Variants in FANCL observed in about 807,000 individuals in gnomAD.
FANCL encodes the protein FA complementation group L, also known as E3 ubiquitin-protein ligase FANCL.
In FANCL, 69 loss-of-function variants were observed where a neutral mutation model predicts 59.4. That is an observed-to-expected ratio of 1.16 (90% CI 0.96 to 1.42). FANCL has a LOEUF of 1.42. Among genes scored for constraint, FANCL ranks in the 40% most tolerant of loss-of-function variants. The probability of loss-of-function intolerance (pLI) is 0.00; values close to 1 mark genes in which losing one functional copy is unlikely to be tolerated. For synonymous variants in FANCL, 180 were observed against 147.1 expected (o/e 1.22, Z -1.62); for missense variants, 519 against 447.2 (o/e 1.16, Z -1.45).
chr2:58,241,323 T>C lies in FANCL; in HGVS notation c.-10A>G, dbSNP rs758577664. On this transcript the variant is annotated 5_prime_UTR_variant, in exon 1 of 14. Coordinates refer to ENST00000233741, the MANE Select transcript of FANCL (RefSeq NM_018062.4). The stretch of plus-strand genomic sequence containing the variant: ...CTTCCGTCACCGCCATGGCTCGAAG[T>C]CCGGAGAAACACAGAAAAGCTCTAG... The C allele has an allele frequency of 6.2e-7, 1 of 1,613,670 alleles. No homozygotes were observed. The highest frequency in any genetic ancestry group is 1.1e-5 in the South Asian group (1 of 91,052).
At chr2:58,208,009 T>C (rs1340106365) in intron 5 of FANCL, among the ~76,000 whole-genome samples, 1 of 152,204 alleles carries the variant, frequency 6.6e-6, no homozygotes, top group Non-Finnish European at 1.5e-5. Flanking sequence ...CAGTGAGCTA[T>C]GATGGCACCA....
intron 5 of FANCL, among the ~76,000 whole-genome samples, chr2:58,206,755 T>TA (rs1240825267): frequency 1.3e-5 from 2 of 152,212 alleles, no homozygotes; most frequent in African/African-American, 2.4e-5. Flanking sequence ...TTGATTTTGT[T>TA]AAACTTTAAG....
chr2:58,201,544 G>T (rs1468792858), intron 6 of FANCL, among the ~76,000 whole-genome samples: 1 of 151,932 alleles, frequency 6.6e-6, no homozygotes, highest in Non-Finnish European at 1.5e-5. Flanking sequence ...TTGCAGCAGA[G>T]AAAGAGTGCC....
intron 6 of FANCL, among the ~76,000 whole-genome samples, chr2:58,202,769 A>C (rs1371414725): frequency 6.6e-6 from 1 of 151,900 alleles, no homozygotes; most frequent in African/African-American, 2.4e-5. Flanking sequence ...AATGAACTAA[A>C]TGTCATCAAC....
intron 7 of FANCL, among the ~76,000 whole-genome samples, chr2:58,172,868 C>T (rs575123869): frequency 4.6e-5 from 7 of 152,112 alleles, no homozygotes; most frequent in South Asian, 4.1e-4. Context: ...AAACCAAAGG[C>T]GAAGAAGCTG....
At chr2:58,194,741 A>T (rs1689266899) in intron 7 of FANCL, among the ~76,000 whole-genome samples, 1 of 151,930 alleles carries the variant, frequency 6.6e-6, no homozygotes, top group African/African-American at 2.4e-5. Context: ...TACCATCTTC[A>T]GCTTGACATT....
chr2:58,220,904 T>A (rs984989293), intron 5 of FANCL, among the ~76,000 whole-genome samples: 1 of 152,260 alleles, frequency 6.6e-6, no homozygotes, highest in South Asian at 2.1e-4. Flanking sequence ...AAAATACTAT[T>A]GATAACGGTT....
chr2:58,233,486 T>A (rs1316893091), intron 1 of FANCL, among the ~76,000 whole-genome samples: 1 of 151,978 alleles, frequency 6.6e-6, no homozygotes, highest in Non-Finnish European at 1.5e-5. Flanking sequence ...TACCTAAACC[T>A]CCATCTCCCC....
intron 8 of FANCL, 139 bp from the exon 9 acceptor site, chr2:58,163,656 T>C: frequency 1.6e-6 from 1 of 643,340 alleles, no homozygotes; most frequent in South Asian, 1.8e-5. Context: ...TGTAGTTTTA[T>C]GTAATGGTAA....
chr2:58,166,658 G>T (rs1685982048), intron 7 of FANCL, among the ~76,000 whole-genome samples: 2 of 152,212 alleles, frequency 1.3e-5, no homozygotes, highest in Admixed American at 1.3e-4. Flanking sequence ...TAATAAGAAG[G>T]ATTTGTTTCA....
At chr2:58,232,526 T>C (rs1392752180) in intron 1 of FANCL, among the ~76,000 whole-genome samples, 1 of 152,052 alleles carries the variant, frequency 6.6e-6, no homozygotes, top group South Asian at 2.1e-4. Flanking sequence ...TAAGGATATA[T>C]AACATTATAT....
At chr2:58,218,035 A>T (rs369041049) in intron 5 of FANCL, among the ~76,000 whole-genome samples, 1 of 152,134 alleles carries the variant, frequency 6.6e-6, no homozygotes, top group East Asian at 1.9e-4. Context: ...CTGGAACTCA[A>T]TAACCCAAAA....
In FANCL at chr2:58,194,411, A is replaced by G. The variant is rs17049397; in HGVS notation, c.540+4183T>C. On this transcript the variant is annotated intron_variant, in intron 7 of 13. Coordinates refer to ENST00000233741, the MANE Select transcript of FANCL (RefSeq NM_018062.4). ...TAAAATTCTAAAGCATTAAGGATATATTTTGAAGCATTTGTGATGTTAGAA... is the reference window on the plus strand; with the variant it reads ...TAAAATTCTAAAGCATTAAGGATATGTTTTGAAGCATTTGTGATGTTAGAA... 2,911 of 405,570 alleles carry G rather than the reference A, an allele frequency of 7.2e-3. 88 individuals are homozygous for G. The highest frequency in any genetic ancestry group is 0.057 in the African/African-American group (2,766 of 48,436). 25.1% of individuals were successfully genotyped at this position (405,570 alleles called of 1,614,324 possible).
In FANCL at chr2:58,159,302, A is replaced by G; in HGVS notation, c.*463T>C. ...CACACTACACAAAATAAATACTTGG[A>G]TAACTCACGTCTAACAAACTAAACT... is the stretch of plus-strand genomic sequence containing the variant. On this transcript the variant is annotated 3_prime_UTR_variant, in exon 14 of 14. Transcript: ENST00000233741. 12 of 1,405,564 alleles carry G rather than the reference A, an allele frequency of 8.5e-6. No individual in the cohort carries two copies. Among genetic ancestry groups the G allele is most frequent in the Non-Finnish European group, 1.1e-5 (11 of 1,030,126 alleles). The allele number at this position is 1,405,564 out of a possible 1,614,324, so 87.1% of individuals were successfully genotyped here.
chr2:58,174,506 A>G (rs1044230715), intron 7 of FANCL, among the ~76,000 whole-genome samples: 1 of 152,250 alleles, frequency 6.6e-6, no homozygotes, highest in Admixed American at 6.5e-5. Context: ...GCTCATCTAC[A>G]TGGAAACTGA....
At chr2:58,180,159 T>C (rs1025085022) in intron 7 of FANCL, among the ~76,000 whole-genome samples, 1 of 152,174 alleles carries the variant, frequency 6.6e-6, no homozygotes, top group African/African-American at 2.4e-5. Context: ...TGGAAGACAG[T>C]GTGGCGATTC....
At chr2:58,168,972 C>T (rs185453654) in intron 7 of FANCL, among the ~76,000 whole-genome samples, 1 of 152,258 alleles carries the variant, frequency 6.6e-6, no homozygotes, top group East Asian at 1.9e-4. Flanking sequence ...GATAAAACTC[C>T]CATCTCCCTG....
intron 8 of FANCL, 86 bp downstream of exon 8, chr2:58,165,638 C>CT: frequency 6.5e-7 from 1 of 1,541,566 alleles, no homozygotes; most frequent in Non-Finnish European, 8.9e-7. Flanking sequence ...ATAAAGAAGT[C>CT]TGAGTCCAAC....
chr2:58,176,289 C>G (rs1292153835), intron 7 of FANCL, among the ~76,000 whole-genome samples: 4 of 152,186 alleles, frequency 2.6e-5, no homozygotes, highest in Non-Finnish European at 5.9e-5. Flanking sequence ...CTTTAAAGTT[C>G]ATATGGAACC....
Sources: allele counts gnomAD v4.1 joint callset (sites outside exome capture counted in the v4.1 genomes callset), GRCh38; gene constraint gnomAD v4.1.1; transcripts MANE v1.5; gene names NCBI Gene and HGNC (gene_info 2026-07-23, HGNC 2026-07-21).